Variants in GPR176 observed in about 807,000 individuals in gnomAD.
GPR176 encodes G protein-coupled receptor 176.
GPR176 carries 26 observed loss-of-function variants against 35.4 expected under a neutral mutation model. The observed-to-expected ratio is 0.74, with a 90% CI of 0.54 to 1.02. The LOEUF is 1.02. Among genes scored for constraint, GPR176 ranks in the 50% least tolerant of loss-of-function variants. The pLI is 0.00. For missense variants in GPR176, 597 were observed against 665.3 expected, an observed-to-expected ratio of 0.90 and a Z score of 1.13; for synonymous variants, 278 against 271.3, an observed-to-expected ratio of 1.02 and a Z score of -0.24.
Position 39,801,247 on chromosome 15 carries a change from G to T in GPR176, c.1433C>A (p.Pro478His), listed in dbSNP as rs201005643. 3 of 1,614,172 alleles carry T rather than the reference G, an allele frequency of 1.9e-6. No individual in the cohort carries two copies. Among genetic ancestry groups the T allele is most frequent in the Admixed American group, 3.3e-5 (2 of 60,024 alleles). Reference protein sequence around the residue: ...TRNSKKRLLPPLGNTPEELIQ... With the variant: ...TRNSKKRLLPHLGNTPEELIQ... ...CAGCTCTTCTGGGGTGTTGCCCAAG[G>T]GGGGAAGCAGCCGCTTCTTGCTGTT... Residue 478 changes from proline to histidine, a missense_variant, in exon 3 of 3, where the codon CCC (proline) becomes CAC (histidine). This residue lies in a region of GPR176 where 251 missense variants were observed against 255.4 expected (regional missense o/e 0.98). Transcript: ENST00000561100.
At chr15:39,843,308 C>T (rs556198880) in intron 1 of GPR176, among the ~76,000 whole-genome samples, 2 of 152,164 alleles carry the variant, frequency 1.3e-5, no homozygotes, top group South Asian at 2.1e-4. Context: ...AAAGATAGTA[C>T]AAAATGGCCT....
chr15:39,831,994 G>GCA (rs59388406), intron 1 of GPR176, among the ~76,000 whole-genome samples: 21,184 of 146,742 alleles, frequency 0.14, 2,115 homozygotes, highest in African/African-American at 0.26. Flanking sequence ...ACATGTGCAT[G>GCA]CACACACACA....
At chr15:39,882,239 G>A (rs1244906069) in intron 1 of GPR176, among the ~76,000 whole-genome samples, 1 of 152,190 alleles carries the variant, frequency 6.6e-6, no homozygotes, top group African/African-American at 2.4e-5. Flanking sequence ...CACATGCTCA[G>A]AGGAAAATTG....
chr15:39,857,971 CA>C (rs551565660), intron 1 of GPR176, among the ~76,000 whole-genome samples: 219 of 77,276 alleles, frequency 2.8e-3, no homozygotes, highest in Admixed American at 5.2e-3. Flanking sequence ...ACTCCTTCTC[CA>C]AAAAAAAAAA....
At chr15:39,817,968 G>A (rs938202459) in intron 1 of GPR176, among the ~76,000 whole-genome samples, 1 of 152,218 alleles carries the variant, frequency 6.6e-6, no homozygotes, top group African/African-American at 2.4e-5. Flanking sequence ...AATCTATGCA[G>A]ATACATTTTC....
In GPR176 at chr15:39,895,984, C is replaced by G. The variant is rs2033100158; in HGVS notation, c.172+23871G>C. Among the ~76,000 whole-genome samples, 2 of 152,112 alleles carry G rather than the reference C, an allele frequency of 1.3e-5. 1 individual carries two copies. Among genetic ancestry groups the G allele is most frequent in the Admixed American group, 1.3e-4 (2 of 15,274 alleles). ...AAAACTCTCTTCCTAGAAAACTACT[C>G]CATTGAAAAAGATACTTAAATTTTT... On this transcript the variant is annotated intron_variant, in intron 1 of 2. Transcript: ENST00000561100.
At chr15:39,852,859 T>A (rs1447689886) in intron 1 of GPR176, among the ~76,000 whole-genome samples, 1 of 152,148 alleles carries the variant, frequency 6.6e-6, no homozygotes, top group Non-Finnish European at 1.5e-5. Flanking sequence ...CTCAAAAAGT[T>A]CTTGTTACCT....
chr15:39,890,124 A>G (rs2032818506), intron 1 of GPR176, among the ~76,000 whole-genome samples: 1 of 152,212 alleles, frequency 6.6e-6, no homozygotes, highest in African/African-American at 2.4e-5. Context: ...TTTAGAGCCT[A>G]CGAAAATCAC....
chr15:39,807,324 AG>A (rs1284865369), intron 1 of GPR176, 66 bp from the exon 2 acceptor site: 1 of 1,091,234 alleles, frequency 9.2e-7, no homozygotes, highest in African/African-American at 1.6e-5. Context: ...AAAGGAAAAA[AG>A]TACAGGTTAA....
intron 2 of GPR176, among the ~76,000 whole-genome samples, chr15:39,802,539 C>T (rs943589299): frequency 2.0e-5 from 3 of 152,230 alleles, no homozygotes; most frequent in African/African-American, 7.2e-5. Flanking sequence ...CAATTCATAG[C>T]TAGCTTTATA....
chr15:39,918,460 T>C (rs576299199), intron 1 of GPR176, among the ~76,000 whole-genome samples: 15 of 152,270 alleles, frequency 9.9e-5, no homozygotes, highest in Non-Finnish European at 1.9e-4. Flanking sequence ...TATGTATATA[T>C]ATGTATATTG....
intron 1 of GPR176, among the ~76,000 whole-genome samples, chr15:39,852,875 C>T (rs551109163): frequency 6.6e-6 from 1 of 152,176 alleles, no homozygotes; most frequent in African/African-American, 2.4e-5. Flanking sequence ...TACCTTCACA[C>T]CCATTAGGAT....
At chr15:39,802,367 C>T in intron 2 of GPR176, 113 bp from the exon 3 acceptor site, 1 of 833,222 alleles carries the variant, frequency 1.2e-6, no homozygotes, top group Non-Finnish European at 1.8e-6. Flanking sequence ...TCTATTCGGC[C>T]TAAGACAGAA....
At chr15:39,840,838 A>G (rs1387978349) in intron 1 of GPR176, among the ~76,000 whole-genome samples, 2 of 152,206 alleles carry the variant, frequency 1.3e-5, no homozygotes, top group African/African-American at 2.4e-5. Context: ...TTTAATATTT[A>G]CCAAGTATTT....
chr15:39,881,371 AT>A (rs1160971407), intron 1 of GPR176, among the ~76,000 whole-genome samples: 1 of 152,252 alleles, frequency 6.6e-6, no homozygotes, highest in Admixed American at 6.5e-5. Flanking sequence ...ATTAAAAGGC[AT>A]GACTGTCTAC....
intron 1 of GPR176, among the ~76,000 whole-genome samples, chr15:39,868,679 ACAT>A (rs1196465374): frequency 1.3e-5 from 2 of 152,124 alleles, no homozygotes; most frequent in African/African-American, 4.8e-5. Context: ...TTTAAGAGAG[ACAT>A]CTTTAATTAG....
intron 1 of GPR176, among the ~76,000 whole-genome samples, chr15:39,885,817 T>C (rs2140853553): frequency 6.6e-6 from 1 of 152,364 alleles, no homozygotes; most frequent in South Asian, 2.1e-4. Flanking sequence ...AAAAGTGATG[T>C]AGAACAAGAC....
intron 1 of GPR176, among the ~76,000 whole-genome samples, chr15:39,911,549 C>T (rs892988108): frequency 5.3e-5 from 8 of 152,120 alleles, no homozygotes; most frequent in African/African-American, 9.7e-5. Context: ...CAAAAGAAAA[C>T]AATAGTAACA....
chr15:39,892,903 A>G (rs2032928638), intron 1 of GPR176, among the ~76,000 whole-genome samples: 1 of 152,246 alleles, frequency 6.6e-6, no homozygotes, highest in Admixed American at 6.5e-5. Flanking sequence ...TTAGGAAACT[A>G]ATGCGGCCAA....
Sources: allele counts gnomAD v4.1 joint callset (sites outside exome capture counted in the v4.1 genomes callset), GRCh38; gene constraint gnomAD v4.1.1; regional missense constraint gnomAD v4.1.1; transcripts MANE v1.5; gene names NCBI Gene and HGNC (gene_info 2026-07-23, HGNC 2026-07-21).